Variants in TRAPPC9 observed in about 807,000 individuals in gnomAD.
TRAPPC9 encodes the protein trafficking protein particle complex subunit 9, also known as IKK2 binding protein.
A neutral mutation model predicts 124.0 loss-of-function variants in TRAPPC9; 83 were observed. The observed-to-expected ratio is 0.67, with a 90% CI of 0.56 to 0.80. The LOEUF (loss-of-function observed/expected upper bound fraction) is 0.80. Ranked by LOEUF, TRAPPC9 falls within the 30% of genes least tolerant of loss-of-function variation. The probability of loss-of-function intolerance (pLI) is 0.00; values close to 1 mark genes in which losing one functional copy is unlikely to be tolerated. For synonymous variants in TRAPPC9, 638 were observed against 617.5 expected (o/e 1.03, Z -0.49); for missense variants, 1,302 against 1,508.3 (o/e 0.86, Z 2.27).
intron 5 of TRAPPC9, among the ~76,000 whole-genome samples, chr8:140,424,297 C>G (rs566855688): frequency 3.2e-4 from 49 of 151,442 alleles, no homozygotes; most frequent in African/African-American, 1.1e-3. Flanking sequence ...TCCAAAAGAT[C>G]ATTTTACGTA....
At chr8:140,101,334 C>G (rs2130373493) in intron 17 of TRAPPC9, among the ~76,000 whole-genome samples, 1 of 152,104 alleles carries the variant, frequency 6.6e-6, no homozygotes, top group East Asian at 1.9e-4. Context: ...TGGGATTTCA[C>G]TATGTTGGCC....
chr8:140,221,465 G>A lies in TRAPPC9; in HGVS notation c.2550C>T (p.His850=), dbSNP rs770565044. The change falls in exon 17 of 23, where the codon CAC becomes CAT. Residue 850 remains histidine, a synonymous_variant. Transcript: ENST00000438773. The part of the protein sequence containing the change: ...PESNKAGDYS[H]VKTLEAVLNF... Reference sequence around the variant, plus strand: ...GTCTGCCATACCAACTCACCTTCACGTGGCTGTAGTCGCCTGCTTTGTTGC... The same window carrying A: ...GTCTGCCATACCAACTCACCTTCACATGGCTGTAGTCGCCTGCTTTGTTGC... 18 of 1,613,922 alleles carry A rather than the reference G, an allele frequency of 1.1e-5. No individual in the cohort carries two copies. The highest frequency in any genetic ancestry group is 1.6e-4 in the Middle Eastern group (1 of 6,084).
chr8:140,158,253 G>A (rs2061688732), intron 17 of TRAPPC9, among the ~76,000 whole-genome samples: 1 of 152,218 alleles, frequency 6.6e-6, no homozygotes, highest in Admixed American at 6.5e-5. Context: ...GACTGCAGAT[G>A]TGGTTAAGAT....
Position 140,457,733 on chromosome 8 carries a change from G to C in TRAPPC9, c.-105C>G, listed in dbSNP as rs1564039768. On this transcript the variant is annotated 5_prime_UTR_variant, in exon 1 of 23. Coordinates refer to ENST00000438773, the MANE Select transcript of TRAPPC9 (RefSeq NM_001160372.4). ...CGGCCACTTCCCAGGCTCTGGGCTGGCGCTTCCTACTGGCGGCCGAGCCGG... is the reference window on the plus strand; with the variant it reads ...CGGCCACTTCCCAGGCTCTGGGCTGCCGCTTCCTACTGGCGGCCGAGCCGG... 1 of 995,958 alleles carries C rather than the reference G, an allele frequency of 1.0e-6. No individual in the cohort carries two copies. The highest frequency in any genetic ancestry group is 4.4e-5 in the South Asian group (1 of 22,900). 61.7% of individuals were successfully genotyped at this position (995,958 alleles called of 1,614,324 possible). A position where few individuals can be genotyped will look rare whatever the true frequency, so the allele number is the denominator to read the frequency against.
chr8:140,055,034 A>C (rs929817307), intron 17 of TRAPPC9, among the ~76,000 whole-genome samples: 4 of 152,214 alleles, frequency 2.6e-5, no homozygotes, highest in African/African-American at 9.7e-5. Flanking sequence ...AACACTTCCA[A>C]ACAAATTTTA....
chr8:139,960,880 G>A (rs898609214), intron 19 of TRAPPC9, among the ~76,000 whole-genome samples: 1,602 of 125,398 alleles, frequency 0.013, 236 homozygotes, highest in African/African-American at 0.038. Context: ...TGGTGCCCGT[G>A]AGGAGCCAGT....
chr8:140,393,959 C>T (rs2069011636), intron 7 of TRAPPC9, among the ~76,000 whole-genome samples: 1 of 152,134 alleles, frequency 6.6e-6, no homozygotes, highest in Non-Finnish European at 1.5e-5. Context: ...GCACTGTCCC[C>T]GCCCGCCCAG....
chr8:139,769,089 A>G (rs1021511293), intron 21 of TRAPPC9, among the ~76,000 whole-genome samples: 4 of 152,178 alleles, frequency 2.6e-5, no homozygotes, highest in Non-Finnish European at 5.9e-5. Flanking sequence ...TTTGTTGTCT[A>G]AGCCACACAG....
intron 21 of TRAPPC9, among the ~76,000 whole-genome samples, chr8:139,750,924 C>T (rs1352486087): frequency 1.3e-5 from 2 of 152,150 alleles, no homozygotes; most frequent in African/African-American, 4.8e-5. Flanking sequence ...AGTGTGACTC[C>T]AGCACTAGAG....
Position 140,271,365 on chromosome 8 carries a change from A to G in TRAPPC9, c.2278+4293T>C, listed in dbSNP as rs79137193. Among the ~76,000 whole-genome samples, 1,213 of 152,342 alleles carry G rather than the reference A, an allele frequency of 8.0e-3. 18 individuals are homozygous for G. The highest frequency in any genetic ancestry group is 0.028 in the African/African-American group (1,157 of 41,576). Reference sequence around the variant, plus strand: ...TTTTAAAAGAAAAAATGATTAAATGAACCACATTAAAGTTAAGAACTTCTG... The same window carrying G: ...TTTTAAAAGAAAAAATGATTAAATGGACCACATTAAAGTTAAGAACTTCTG... On this transcript the variant is annotated intron_variant, in intron 15 of 22. Transcript: ENST00000438773.
chr8:140,441,104 C>T (rs1284481963), intron 2 of TRAPPC9, among the ~76,000 whole-genome samples: 2 of 150,598 alleles, frequency 1.3e-5, no homozygotes, highest in Admixed American at 6.6e-5. Flanking sequence ...TCAGCCTCCC[C>T]AGTAACTGGG....
rs537367830 is a variant in TRAPPC9 at position 140,259,904 on chromosome 8, G to A, written c.2279-6975C>T. Among the ~76,000 whole-genome samples, 5 of 152,256 alleles carry A rather than the reference G, an allele frequency of 3.3e-5. No homozygotes were observed. In the East Asian group the frequency reaches 9.6e-4, roughly 29 times the overall value. On this transcript the variant is annotated intron_variant, in intron 15 of 22. Coordinates refer to ENST00000438773, the MANE Select transcript of TRAPPC9 (RefSeq NM_001160372.4). Reference sequence around the variant, plus strand: ...CCCAGACATCACGCTTAGAACAGACGGAAAAGAGCTATGTGAAAAAAGCGG... The same window carrying A: ...CCCAGACATCACGCTTAGAACAGACAGAAAAGAGCTATGTGAAAAAAGCGG...
Position 140,287,632 on chromosome 8 carries a change from T to C in TRAPPC9, c.1957A>G (p.Thr653Ala), listed in dbSNP as rs200693820. Residue 653 changes from threonine to alanine, a missense_variant, in exon 13 of 23, where the codon ACG becomes GCG. This residue lies in a region of TRAPPC9 where 640 missense variants were observed against 679.3 expected (regional missense o/e 0.94). Transcript: ENST00000438773. ...CCGTTCACAGTAATCGTTCCAGTCG[T>C]CTGCGGGACCCCGACGAGCGTCACT... ...YPVTLVGVPQ[T>A]TGTITVNGYH... The C allele has an allele frequency of 1.2e-5, 19 of 1,614,052 alleles. No homozygotes were observed. The highest frequency in any genetic ancestry group is 1.1e-4 in the African/African-American group (8 of 74,920).
At chr8:139,845,378 A>G (rs1412445358) in intron 21 of TRAPPC9, among the ~76,000 whole-genome samples, 1 of 152,176 alleles carries the variant, frequency 6.6e-6, no homozygotes, top group African/African-American at 2.4e-5. Context: ...CGGGTTCCAT[A>G]AAAGCGTACG....
intron 21 of TRAPPC9, among the ~76,000 whole-genome samples, chr8:139,883,758 G>T (rs557572973): frequency 1.3e-5 from 2 of 152,208 alleles, no homozygotes; most frequent in Admixed American, 1.3e-4. Context: ...TTTCAGGCAG[G>T]ACCGGGCTGA....
chr8:140,239,542 T>C (rs1358237920), intron 16 of TRAPPC9, among the ~76,000 whole-genome samples: 1 of 152,104 alleles, frequency 6.6e-6, no homozygotes, highest in Non-Finnish European at 1.5e-5. Flanking sequence ...AGGACCAAAG[T>C]GCAGGTGTGC....
At chr8:140,002,778 G>T in intron 18 of TRAPPC9, among the ~76,000 whole-genome samples, 1 of 129,970 alleles carries the variant, frequency 7.7e-6, no homozygotes, top group Non-Finnish European at 1.6e-5. Context: ...TGACTAAGAA[G>T]AGAATTCAAC....
At chr8:140,167,302 G>A in intron 17 of TRAPPC9, among the ~76,000 whole-genome samples, 1 of 152,180 alleles carries the variant, frequency 6.6e-6, no homozygotes, top group Admixed American at 6.5e-5. Context: ...TAATGGTTGT[G>A]CCACAGATTT....
chr8:140,037,588 C>T (rs193045834), intron 17 of TRAPPC9, among the ~76,000 whole-genome samples: 86 of 150,720 alleles, frequency 5.7e-4, no homozygotes, highest in African/African-American at 2.0e-3. Context: ...CACACACATA[C>T]ACACACACAC....
Sources: gnomAD v4.1 joint callset for allele counts (sites outside exome capture counted in the v4.1 genomes callset) on GRCh38, gnomAD v4.1.1 for gene constraint, gnomAD v4.1.1 regional missense constraint, MANE v1.5 for transcripts, NCBI Gene and HGNC (gene_info 2026-07-23, HGNC 2026-07-21) for gene names.